Variants in RAB7A observed in about 807,000 individuals in gnomAD.
RAB7A encodes ras-related protein Rab-7a.
A neutral mutation model predicts 24.5 loss-of-function variants in RAB7A; 2 were observed. The ratio of observed to expected loss-of-function variants is 0.08; its 90% CI spans 0.03 to 0.26. The LOEUF (loss-of-function observed/expected upper bound fraction) is 0.26. Among genes scored for constraint, RAB7A ranks in the 10% least tolerant of loss-of-function variants. The pLI is 1.00. For missense variants in RAB7A, 118 were observed against 255.7 expected, an observed-to-expected ratio of 0.46 and a Z score of 3.67; for synonymous variants, 100 against 95.9, an observed-to-expected ratio of 1.04 and a Z score of -0.25.
At chr3:128,771,815 A>G (rs574082541) in intron 1 of RAB7A, among the ~76,000 whole-genome samples, 13 of 152,312 alleles carry the variant, frequency 8.5e-5, no homozygotes, top group Admixed American at 2.6e-4. Context: ...TAAGGAGCGT[A>G]TCTGAATGCC....
At chr3:128,806,281 T>C in intron 3 of RAB7A, 91 bp from the exon 4 acceptor site, 1 of 1,215,368 alleles carries the variant, frequency 8.2e-7, no homozygotes, top group South Asian at 1.4e-5. Context: ...GGCCCCACAA[T>C]CTAGCCTATT....
chr3:128,774,749 T>G (rs549565005), intron 1 of RAB7A, among the ~76,000 whole-genome samples: 1 of 152,130 alleles, frequency 6.6e-6, no homozygotes, highest in African/African-American at 2.4e-5. Context: ...ATTTTTTGTA[T>G]TTTTAGTAGA....
intron 5 of RAB7A, among the ~76,000 whole-genome samples, chr3:128,811,858 A>G (rs1021516811): frequency 6.6e-6 from 1 of 152,122 alleles, no homozygotes; most frequent in Non-Finnish European, 1.5e-5. Flanking sequence ...CAAAAAAAAA[A>G]AAAGAAAGAA....
intron 1 of RAB7A, among the ~76,000 whole-genome samples, chr3:128,781,119 A>G (rs1019084540): frequency 1.3e-5 from 2 of 152,256 alleles, no homozygotes; most frequent in Non-Finnish European, 2.9e-5. Context: ...AAATACAACA[A>G]GGACATTAGA....
At chr3:128,732,915 A>G (rs542927717) in intron 1 of RAB7A, among the ~76,000 whole-genome samples, 30 of 152,288 alleles carry the variant, frequency 2.0e-4, no homozygotes, top group Admixed American at 1.4e-3. Context: ...GTGACCTGTG[A>G]TACTTCTCCT....
chr3:128,813,551 A>G lies in RAB7A; in HGVS notation c.*129A>G, dbSNP rs1933973449. Reference sequence around the variant, plus strand: ...TCTCACATCCAGCTGCCAAAAGAAAACCCCATCAAACACAGTTACACCCCA... The same window carrying G: ...TCTCACATCCAGCTGCCAAAAGAAAGCCCCATCAAACACAGTTACACCCCA... On this transcript the variant is annotated 3_prime_UTR_variant, in exon 6 of 6. Coordinates refer to ENST00000265062, the MANE Select transcript of RAB7A (RefSeq NM_004637.6). 1.2e-6 allele frequency: 1 copy of G among 816,140 alleles called. No homozygotes were observed. The highest frequency in any genetic ancestry group is 2.6e-5 in the East Asian group (1 of 37,944). The allele number at this position is 816,140 out of a possible 1,614,324, so 50.6% of individuals were successfully genotyped here. A position where few individuals can be genotyped will look rare whatever the true frequency, so the allele number is the denominator to read the frequency against.
chr3:128,798,600 T>C (rs962788252), intron 3 of RAB7A, among the ~76,000 whole-genome samples: 4 of 152,154 alleles, frequency 2.6e-5, no homozygotes, highest in African/African-American at 9.7e-5. Context: ...ACAGATTCTT[T>C]CATATGACTT....
intron 2 of RAB7A, 28 bp downstream of exon 2, chr3:128,795,448 A>T (rs748306081): frequency 6.3e-7 from 1 of 1,591,996 alleles, no homozygotes. Flanking sequence ...TTGAGCTAAC[A>T]GATTGGCTTA....
At chr3:128,785,295 A>G (rs1412653354) in intron 1 of RAB7A, 1 of 152,166 alleles carries the variant, frequency 6.6e-6, no homozygotes, top group Non-Finnish European at 1.5e-5. Context: ...ACCCCTCAGA[A>G]GCAGGTGACC....
intron 1 of RAB7A, among the ~76,000 whole-genome samples, chr3:128,768,969 CTTTTT>C (rs35457218): frequency 8.8e-4 from 64 of 72,612 alleles, no homozygotes; most frequent in African/African-American, 3.8e-3. Flanking sequence ...TCTTTCTTTC[CTTTTT>C]TTTTTTTTTT....
At chr3:128,768,225 A>G (rs1395671106) in intron 1 of RAB7A, among the ~76,000 whole-genome samples, 2 of 152,018 alleles carry the variant, frequency 1.3e-5, no homozygotes, top group Non-Finnish European at 2.9e-5. Context: ...CTCATTCGAC[A>G]TTATTATTTT....
At chr3:128,763,209 T>TATATATA (rs1553718917) in intron 1 of RAB7A, among the ~76,000 whole-genome samples, 11 of 62,296 alleles carry the variant, frequency 1.8e-4, no homozygotes, top group Admixed American at 4.1e-4. Context: ...TATATATATA[T>TATATATA]TTTTTTTTTT....
chr3:128,752,993 T>C (rs554176360), intron 1 of RAB7A, among the ~76,000 whole-genome samples: 391 of 152,290 alleles, frequency 2.6e-3, no homozygotes, highest in African/African-American at 9.0e-3. Flanking sequence ...CCTAAGGAAA[T>C]GTTCTGTTGC....
chr3:128,730,503 C>T (rs2070425457), intron 1 of RAB7A, among the ~76,000 whole-genome samples: 1 of 152,220 alleles, frequency 6.6e-6, no homozygotes, highest in South Asian at 2.1e-4. Context: ...GCTGGAATTA[C>T]AGGCGTGAGC....
intron 1 of RAB7A, among the ~76,000 whole-genome samples, chr3:128,789,170 A>G (rs1006988685): frequency 6.6e-6 from 1 of 152,156 alleles, no homozygotes; most frequent in Non-Finnish European, 1.5e-5. Context: ...GGATTAATGG[A>G]TGTTATCTAA....
chr3:128,778,051 G>T (rs1282588218), intron 1 of RAB7A, among the ~76,000 whole-genome samples: 1 of 152,292 alleles, frequency 6.6e-6, no homozygotes, highest in Non-Finnish European at 1.5e-5. Context: ...AGGAGGGAAA[G>T]AAGATGGTGT....
chr3:128,757,182 T>C (rs2070737027), intron 1 of RAB7A, among the ~76,000 whole-genome samples: 1 of 152,176 alleles, frequency 6.6e-6, no homozygotes, highest in Non-Finnish European at 1.5e-5. Context: ...ACCACCTATT[T>C]CCAGAACCTT....
intron 1 of RAB7A, among the ~76,000 whole-genome samples, chr3:128,755,769 GA>G (rs2070724594): frequency 6.6e-6 from 1 of 152,032 alleles, no homozygotes; most frequent in East Asian, 1.9e-4. Flanking sequence ...TAATGGTAAT[GA>G]TTTTTTTTAA....
intron 1 of RAB7A, among the ~76,000 whole-genome samples, chr3:128,764,277 T>C (rs1028443559): frequency 6.6e-6 from 1 of 151,770 alleles, no homozygotes; most frequent in Non-Finnish European, 1.5e-5. Context: ...ATAGCTTTGC[T>C]ACCGACAACT....
Sources: allele counts gnomAD v4.1 joint callset (sites outside exome capture counted in the v4.1 genomes callset), GRCh38; gene constraint gnomAD v4.1.1; transcripts MANE v1.5; gene names NCBI Gene and HGNC (gene_info 2026-07-23, HGNC 2026-07-21).